The following FGF7 variants were observed in gnomAD, a reference collection of about 807,000 sequenced individuals.
The protein encoded by FGF7 is FGF-7.
In FGF7, 6 loss-of-function variants were observed where a neutral mutation model predicts 20.5. That is an observed-to-expected ratio of 0.29 (90% CI 0.16 to 0.58). The LOEUF (loss-of-function observed/expected upper bound fraction) is 0.58. Ranked by LOEUF, FGF7 falls within the 20% of genes least tolerant of loss-of-function variation. The pLI is 0.90. For missense variants in FGF7, 144 were observed against 228.8 expected, an observed-to-expected ratio of 0.63 and a Z score of 2.39; for synonymous variants, 64 against 74.7, an observed-to-expected ratio of 0.86 and a Z score of 0.74.
chr15:49,462,070 G>T (rs765745444), intron 2 of FGF7, among the ~76,000 whole-genome samples: 6 of 152,080 alleles, frequency 3.9e-5, no homozygotes, highest in Non-Finnish European at 7.3e-5. Flanking sequence ...AGTGAGCTGA[G>T]ATCGTGCCAC....
intron 1 of FGF7, among the ~76,000 whole-genome samples, chr15:49,423,813 C>A (rs1259935124): frequency 6.6e-6 from 1 of 151,982 alleles, no homozygotes; most frequent in Non-Finnish European, 1.5e-5. Context: ...ATGGTACAGT[C>A]ATATTCTGTT....
chr15:49,452,091 G>GA (rs2052806614), intron 2 of FGF7, among the ~76,000 whole-genome samples: 2 of 151,954 alleles, frequency 1.3e-5, no homozygotes, highest in African/African-American at 2.4e-5. Flanking sequence ...GCCCAGGCTG[G>GA]AGTGCAATGG....
chr15:49,439,305 A>G (rs895739269), intron 2 of FGF7, among the ~76,000 whole-genome samples: 5 of 151,518 alleles, frequency 3.3e-5, no homozygotes, highest in African/African-American at 1.2e-4. Context: ...GGAGGGAGAA[A>G]GAGAGAGAGA....
intron 2 of FGF7, among the ~76,000 whole-genome samples, chr15:49,448,594 T>C (rs1028729533): frequency 6.6e-6 from 1 of 151,762 alleles, no homozygotes; most frequent in African/African-American, 2.4e-5. Flanking sequence ...TTTCTGGTTA[T>C]TCTCTTCACT....
intron 2 of FGF7, among the ~76,000 whole-genome samples, chr15:49,445,712 AGAT>A (rs1344424204): frequency 6.6e-6 from 1 of 151,604 alleles, no homozygotes; most frequent in Non-Finnish European, 1.5e-5. Context: ...CATCAAGTTC[AGAT>A]GATAATAGCT....
intron 2 of FGF7, among the ~76,000 whole-genome samples, chr15:49,475,134 C>T (rs1253827537): frequency 1.3e-5 from 2 of 151,980 alleles, no homozygotes; most frequent in South Asian, 2.1e-4. Context: ...TTTTTTCACC[C>T]TGCACTCCGG....
intron 2 of FGF7, among the ~76,000 whole-genome samples, chr15:49,445,465 T>C (rs2052108599): frequency 6.6e-6 from 1 of 151,626 alleles, no homozygotes; most frequent in Admixed American, 6.6e-5. Flanking sequence ...TTTTCTATTG[T>C]TTTTTCTTTA....
intron 2 of FGF7, among the ~76,000 whole-genome samples, chr15:49,455,507 A>G (rs1471674662): frequency 1.3e-5 from 2 of 152,194 alleles, no homozygotes; most frequent in Admixed American, 6.6e-5. Context: ...CGGGTGCTCA[A>G]TTGCACTACT....
At chr15:49,442,214 G>A (rs913771355) in intron 2 of FGF7, among the ~76,000 whole-genome samples, 1 of 151,424 alleles carries the variant, frequency 6.6e-6, no homozygotes, top group Non-Finnish European at 1.5e-5. Context: ...ATTCTAGCCA[G>A]CCAATCTATT....
At chr15:49,457,106 A>G (rs943458180) in intron 2 of FGF7, among the ~76,000 whole-genome samples, 2 of 152,098 alleles carry the variant, frequency 1.3e-5, no homozygotes, top group Non-Finnish European at 2.9e-5. Flanking sequence ...CATAATTTAC[A>G]GCAAGACGTT....
At chr15:49,482,016 G>A (rs1025994035) in intron 2 of FGF7, among the ~76,000 whole-genome samples, 1 of 152,040 alleles carries the variant, frequency 6.6e-6, no homozygotes, top group African/African-American at 2.4e-5. Flanking sequence ...AAGGTATGGG[G>A]CAAAACAATT....
At chr15:49,439,589 A>G (rs1241392376) in intron 2 of FGF7, among the ~76,000 whole-genome samples, 1 of 151,770 alleles carries the variant, frequency 6.6e-6, no homozygotes, top group East Asian at 1.9e-4. Context: ...TAAAGCAACA[A>G]TAGAAGAGAA....
chr15:49,462,527 T>C lies in FGF7; in HGVS notation c.287-20624T>C, dbSNP rs528562815. ...TTTGTTAAAAAGTCTCTACTGATTC[T>C]ATTTTAACTTTGTATCTTTCATTCA... is the stretch of plus-strand genomic sequence containing the variant. On this transcript the variant is annotated intron_variant, in intron 2 of 3. Coordinates refer to ENST00000267843, the MANE Select transcript of FGF7 (RefSeq NM_002009.4). Among the ~76,000 whole-genome samples the C allele has an allele frequency of 4.6e-5, 7 of 152,350 alleles. No individual in the cohort carries two copies. In the South Asian group the frequency reaches 8.3e-4, roughly 18 times the overall value.
At chr15:49,432,640 C>G (rs1198726075) in intron 2 of FGF7, among the ~76,000 whole-genome samples, 2 of 151,450 alleles carry the variant, frequency 1.3e-5, no homozygotes, top group Non-Finnish European at 1.5e-5. Context: ...TTGTTTGAAT[C>G]AAATAAAAAA....
At chr15:49,471,093 G>C (rs1299747175) in intron 2 of FGF7, among the ~76,000 whole-genome samples, 1 of 152,134 alleles carries the variant, frequency 6.6e-6, no homozygotes, top group Non-Finnish European at 1.5e-5. Flanking sequence ...TATTAGAAAA[G>C]ATAAGTACTT....
At chr15:49,444,774 T>C (rs1226190639) in intron 2 of FGF7, among the ~76,000 whole-genome samples, 1 of 151,698 alleles carries the variant, frequency 6.6e-6, no homozygotes, top group Non-Finnish European at 1.5e-5. Context: ...TCTGCATGAA[T>C]CTATCATTCA....
intron 2 of FGF7, 34 bp downstream of exon 2, chr15:49,424,617 G>A: frequency 6.8e-7 from 1 of 1,478,418 alleles, no homozygotes; most frequent in Non-Finnish European, 9.1e-7. Flanking sequence ...ATGAACCTTA[G>A]CAATCTGTTA....
In FGF7 at chr15:49,483,234, G is replaced by A; in HGVS notation, c.370G>A (p.Glu124Lys). 1 of 1,575,926 alleles carries A rather than the reference G, an allele frequency of 6.3e-7. No individual in the cohort carries two copies. Among genetic ancestry groups the A allele is most frequent in the African/African-American group, 1.3e-5 (1 of 74,554 alleles). The change falls in exon 3 of 4, where the codon GAA becomes AAA. Residue 124 changes from glutamate (E) to lysine (K), a missense_variant. Coordinates refer to ENST00000267843, the MANE Select transcript of FGF7 (RefSeq NM_002009.4). ...TGAATTCTATCTTGCAATGAACAAGGAAGGAAAACTCTATGCAAAGGTATT... is the reference window on the plus strand; with the variant it reads ...TGAATTCTATCTTGCAATGAACAAGAAAGGAAAACTCTATGCAAAGGTATT... ...ESEFYLAMNKEGKLYAKKECN... is the reference protein window; with the variant it reads ...ESEFYLAMNKKGKLYAKKECN...
chr15:49,471,484 A>AAATAAT (rs201297260), intron 2 of FGF7, among the ~76,000 whole-genome samples: 3,492 of 137,788 alleles, frequency 0.025, 65 homozygotes, highest in East Asian at 0.063. Flanking sequence ...CTCTATCTCA[A>AAATAAT]AATAATAATA....
Sources: gnomAD v4.1 joint callset for allele counts (sites outside exome capture counted in the v4.1 genomes callset) on GRCh38, gnomAD v4.1.1 for gene constraint, MANE v1.5 for transcripts, NCBI Gene and HGNC (gene_info 2026-07-23, HGNC 2026-07-21) for gene names.